Variants in TGFBR3 observed in about 807,000 individuals in gnomAD.
TGFBR3 encodes transforming growth factor beta receptor type 3.
Under a neutral mutation model 87.9 loss-of-function variants are expected in TGFBR3, and 46 were observed. The ratio of observed to expected loss-of-function variants is 0.52; its 90% confidence interval spans 0.41 to 0.67. The LOEUF is 0.67. Ranked by LOEUF, TGFBR3 falls within the 30% of genes least tolerant of loss-of-function variation. TGFBR3 has a pLI of 0.00. For synonymous variants in TGFBR3, 381 were observed against 391.6 expected, an observed-to-expected ratio of 0.97 and a Z score of 0.32; for missense variants, 866 against 1,041.9, an observed-to-expected ratio of 0.83 and a Z score of 2.32.
At position 91,740,799 on chromosome 1, in the gene TGFBR3, T is replaced by G. The variant is rs116624220; in HGVS notation, c.385-5840A>C. 4.0e-3 allele frequency among the ~76,000 whole-genome samples: 602 copies of G among 152,338 alleles called. 3 individuals carry two copies. The highest frequency in any genetic ancestry group is 0.014 in the African/African-American group (568 of 41,572). ...CATGCTCCAGACACTGCATTAATTT[T>G]CATGGCATAGCACCCTTATCAGAGT... On this transcript the variant is annotated intron_variant, in intron 4 of 16. Transcript: ENST00000212355.
intron 4 of TGFBR3, 25 bp downstream of exon 4, chr1:91,758,587 AG>A: frequency 6.2e-7 from 1 of 1,613,672 alleles, no homozygotes; most frequent in Non-Finnish European, 8.5e-7. Context: ...GCTAAGGATC[AG>A]TTTGGGGGAG....
At chr1:91,856,035 C>T (rs912793854) in intron 2 of TGFBR3, among the ~76,000 whole-genome samples, 5 of 151,838 alleles carry the variant, frequency 3.3e-5, no homozygotes, top group Admixed American at 1.3e-4. Context: ...TATATGATAA[C>T]GAAGGAACGA....
intron 8 of TGFBR3, 55 bp from the exon 9 acceptor site, chr1:91,720,285 A>C (rs1672320197): frequency 6.7e-7 from 1 of 1,483,966 alleles, no homozygotes; most frequent in East Asian, 2.5e-5. Flanking sequence ...GCCACAACCA[A>C]CATCATTACA....
chr1:91,824,842 C>T (rs1158795668), intron 2 of TGFBR3, among the ~76,000 whole-genome samples: 1 of 152,146 alleles, frequency 6.6e-6, no homozygotes, highest in Non-Finnish European at 1.5e-5. Context: ...CACCTGTAAT[C>T]CCAGCTACTT....
intron 1 of TGFBR3, among the ~76,000 whole-genome samples, chr1:91,903,522 T>C (rs544540154): frequency 6.6e-6 from 1 of 151,798 alleles, no homozygotes; most frequent in East Asian, 2.0e-4. Context: ...GTGGGAGGAT[T>C]GCTTGAGCCC....
chr1:91,826,959 C>A (rs1370320299), intron 2 of TGFBR3, among the ~76,000 whole-genome samples: 1 of 152,280 alleles, frequency 6.6e-6, no homozygotes. Context: ...CAACCCCAAA[C>A]ATTTTTAAAA....
At chr1:91,844,276 G>A (rs1677395691) in intron 2 of TGFBR3, among the ~76,000 whole-genome samples, 1 of 152,210 alleles carries the variant, frequency 6.6e-6, no homozygotes, top group Non-Finnish European at 1.5e-5. Context: ...CTCCAGGAAA[G>A]TCAGAGGGAG....
At chr1:91,865,454 T>TA (rs147321223) in intron 1 of TGFBR3, among the ~76,000 whole-genome samples, 72 of 151,232 alleles carry the variant, frequency 4.8e-4, no homozygotes, top group African/African-American at 1.6e-3. Context: ...AGTATTTATT[T>TA]AAAAAAAAAG....
chr1:91,690,599 G>T (rs936642096), intron 16 of TGFBR3, among the ~76,000 whole-genome samples: 1 of 152,010 alleles, frequency 6.6e-6, no homozygotes, highest in Admixed American at 6.5e-5. Flanking sequence ...ATTTGCATTC[G>T]GGAAAAGCGC....
At position 91,821,713 on chromosome 1, in the gene TGFBR3, A is replaced by G. The variant is rs145041891; in HGVS notation, c.62-24242T>C. Among the ~76,000 whole-genome samples, 441 of 152,244 alleles carry G rather than the reference A, an allele frequency of 2.9e-3. 3 individuals carry two copies. Among genetic ancestry groups the G allele is most frequent in the African/African-American group, 1.0e-2 (414 of 41,548 alleles). ...GGACCTGGGGCCTTGCCTGGGTAGG[A>G]TGCTGTAGAGAAAAGACCTGGCTTT... On this transcript the variant is annotated intron_variant, in intron 2 of 16. Transcript: ENST00000212355.
chr1:91,822,367 C>T (rs1305719248), intron 2 of TGFBR3, among the ~76,000 whole-genome samples: 1 of 148,542 alleles, frequency 6.7e-6, no homozygotes, highest in Non-Finnish European at 1.5e-5. Context: ...CTTCATTTTC[C>T]AGCCTCACCA....
chr1:91,875,535 A>T (rs1171624956), intron 1 of TGFBR3, among the ~76,000 whole-genome samples: 1 of 151,916 alleles, frequency 6.6e-6, no homozygotes, highest in Non-Finnish European at 1.5e-5. Flanking sequence ...AGGGGAGAGG[A>T]GAGGAGGAAA....
At chr1:91,880,596 C>T (rs992091643) in intron 1 of TGFBR3, among the ~76,000 whole-genome samples, 1 of 150,428 alleles carries the variant, frequency 6.6e-6, no homozygotes, top group Non-Finnish European at 1.5e-5. Context: ...AGACTCCGTC[C>T]CAAAAAAAAT....
chr1:91,889,075 G>A (rs905657245), upstream of TGFBR3, among the ~76,000 whole-genome samples: 1 of 152,044 alleles, frequency 6.6e-6, no homozygotes, highest in African/African-American at 2.4e-5. Flanking sequence ...TAGAGACGGG[G>A]TTTCATACCA....
At chr1:91,893,662 A>G (rs1487222938) in intron 2 of TGFBR3, among the ~76,000 whole-genome samples, 2 of 151,642 alleles carry the variant, frequency 1.3e-5, no homozygotes, top group African/African-American at 2.4e-5. Flanking sequence ...TTTTAGTGAC[A>G]ATCTTAAAAA....
chr1:91,797,511 C>G, intron 2 of TGFBR3, 40 bp from the exon 3 acceptor site: 1 of 1,612,706 alleles, frequency 6.2e-7, no homozygotes, highest in South Asian at 1.1e-5. Context: ...TCAGAAACAG[C>G]AATTAATTCT....
chr1:91,874,514 T>A (rs550781108), intron 1 of TGFBR3, among the ~76,000 whole-genome samples: 175 of 152,060 alleles, frequency 1.2e-3, no homozygotes, highest in Non-Finnish European at 2.2e-3. Context: ...TAGAGTGGTT[T>A]TTTGGTTTTT....
intron 4 of TGFBR3, among the ~76,000 whole-genome samples, chr1:91,747,841 C>A (rs1022591925): frequency 2.0e-5 from 3 of 152,350 alleles, no homozygotes; most frequent in African/African-American, 7.2e-5. Context: ...CTGTGGACAG[C>A]GGCTTCCGCT....
intron 2 of TGFBR3, among the ~76,000 whole-genome samples, chr1:91,843,534 G>C (rs1020482152): frequency 1.8e-4 from 28 of 152,186 alleles, no homozygotes; most frequent in Non-Finnish European, 2.9e-4. Flanking sequence ...GTCCAAACTA[G>C]GTAAGTACTA....
Sources: gnomAD v4.1 joint callset for allele counts (sites outside exome capture counted in the v4.1 genomes callset) on GRCh38, gnomAD v4.1.1 for gene constraint, MANE v1.5 for transcripts, NCBI Gene and HGNC (gene_info 2026-07-23, HGNC 2026-07-21) for gene names.